Variants in PHTF2 observed in about 807,000 individuals in gnomAD.
PHTF2 encodes the protein putative homeodomain transcription factor 2, also known as protein PHTF2.
PHTF2 carries 60 observed loss-of-function variants against 101.2 expected under a neutral mutation model. That is an observed-to-expected ratio of 0.59 (90% CI 0.48 to 0.73). PHTF2 has a LOEUF of 0.73. Ranked by LOEUF, PHTF2 falls within the 30% of genes least tolerant of loss-of-function variation. The probability of loss-of-function intolerance (pLI) is 0.00; values close to 1 mark genes in which losing one functional copy is unlikely to be tolerated. For missense variants in PHTF2, 747 were observed against 908.7 expected (o/e 0.82, Z 2.29); for synonymous variants, 311 against 307.3 (o/e 1.01, Z -0.13).
chr7:77,811,182 G>A (rs1024317751), intron 1 of PHTF2, among the ~76,000 whole-genome samples: 6 of 152,066 alleles, frequency 3.9e-5, no homozygotes, highest in African/African-American at 1.2e-4. Context: ...GATTACAGGC[G>A]TGAGCCACTG....
intron 2 of PHTF2, 71 bp downstream of exon 2, chr7:77,840,371 A>T (rs34910780): frequency 0.024 from 21,811 of 923,722 alleles, 350 homozygotes; most frequent in Middle Eastern, 0.049. Flanking sequence ...ATTTCATGCT[A>T]TAGATGTTAG....
intron 2 of PHTF2, among the ~76,000 whole-genome samples, chr7:77,853,285 G>T (rs1252435443): frequency 6.6e-6 from 1 of 151,508 alleles, no homozygotes; most frequent in Non-Finnish European, 1.5e-5. Context: ...TGTCTCTTCT[G>T]ACTGTATTTT....
At chr7:77,860,505 G>C (rs752862113) in intron 3 of PHTF2, among the ~76,000 whole-genome samples, 2 of 151,894 alleles carry the variant, frequency 1.3e-5, no homozygotes, top group Non-Finnish European at 2.9e-5. Context: ...CCTAAGCCTT[G>C]GTTTCTTTAT....
intron 3 of PHTF2, among the ~76,000 whole-genome samples, chr7:77,891,876 C>G (rs1800448867): frequency 6.6e-6 from 1 of 152,108 alleles, no homozygotes; most frequent in African/African-American, 2.4e-5. Context: ...AAGAGCCACT[C>G]TGCACTCAGC....
chr7:77,806,860 T>G (rs1028129663), intron 1 of PHTF2, among the ~76,000 whole-genome samples: 1 of 152,092 alleles, frequency 6.6e-6, no homozygotes, highest in Non-Finnish European at 1.5e-5. Context: ...TACTTTTGAG[T>G]AAAAAAACTA....
At chr7:77,927,177 A>AAAAAAAAAAT (rs1554388762) in intron 11 of PHTF2, among the ~76,000 whole-genome samples, 2 of 78,152 alleles carry the variant, frequency 2.6e-5, no homozygotes, top group African/African-American at 4.8e-5. Context: ...AAAAAAAAAA[A>AAAAAAAAAAT]ATATATATAT....
intron 11 of PHTF2, chr7:77,924,153 C>A: frequency 1.0e-6 from 1 of 953,174 alleles, no homozygotes; most frequent in Non-Finnish European, 1.2e-6. Flanking sequence ...CAAAATAAAG[C>A]CTCCTTTGAA....
At chr7:77,900,041 A>G (rs1801249552) in intron 5 of PHTF2, among the ~76,000 whole-genome samples, 1 of 151,920 alleles carries the variant, frequency 6.6e-6, no homozygotes, top group Admixed American at 6.6e-5. Context: ...CAGAAACTTA[A>G]TTTTACTCAG....
rs1584741546 is a variant in PHTF2, at chr7:77,928,979, T to G, written c.1120-130T>G. On this transcript the variant is annotated intron_variant, in intron 11 of 19. Coordinates refer to ENST00000416283, the Ensembl canonical transcript of PHTF2. The stretch of plus-strand genomic sequence containing the variant: ...GCTAATATATTTTGTAATGTTTTGC[T>G]GTCTCACTATCTTTTGAGGGTGTAT... 2.8e-5 allele frequency: 17 copies of G among 613,942 alleles called. No homozygotes were observed. The East Asian group carries it at 4.7e-4, about 17-fold the overall frequency. 38.0% of individuals were successfully genotyped at this position (613,942 alleles called of 1,614,324 possible).
intron 5 of PHTF2, chr7:77,895,840 T>C (rs1259510762): frequency 6.6e-6 from 1 of 152,150 alleles, no homozygotes; most frequent in Non-Finnish European, 1.5e-5. Context: ...TACCTTGTAA[T>C]AGTAATTGAA....
intron 3 of PHTF2, among the ~76,000 whole-genome samples, chr7:77,881,363 T>C (rs931431734): frequency 9.2e-5 from 14 of 152,092 alleles, no homozygotes; most frequent in African/African-American, 2.9e-4. Context: ...TTGTTCTTGG[T>C]CTCCTTAATG....
At chr7:77,955,611 C>T (rs935797862) in exon 20 of PHTF2, 2 of 152,552 alleles carry the variant, frequency 1.3e-5, no homozygotes, top group Non-Finnish European at 2.9e-5. Context: ...AAAATTGTTA[C>T]TTTTAATGCG....
intron 1 of PHTF2, among the ~76,000 whole-genome samples, chr7:77,809,138 T>C (rs888989317): frequency 3.3e-5 from 5 of 152,108 alleles, no homozygotes; most frequent in African/African-American, 1.2e-4. Context: ...TTTAGGTTCA[T>C]TGTTCCCTTG....
chr7:77,867,990 T>C (rs1798204408), intron 3 of PHTF2, among the ~76,000 whole-genome samples: 1 of 152,198 alleles, frequency 6.6e-6, no homozygotes, highest in South Asian at 2.1e-4. Flanking sequence ...AAGTAGTTAA[T>C]ACAGATGAGA....
chr7:77,922,929 G>GCAGTTTT, intron 11 of PHTF2, 151 bp downstream of exon 10: 2 of 1,349,298 alleles, frequency 1.5e-6, no homozygotes, highest in Non-Finnish European at 1.9e-6. Context: ...TTATAAAATA[G>GCAGTTTT]CAGTTTTAGG....
At chr7:77,945,962 A>G (rs1806018705) in intron 16 of PHTF2, among the ~76,000 whole-genome samples, 1 of 152,198 alleles carries the variant, frequency 6.6e-6, no homozygotes, top group African/African-American at 2.4e-5. Context: ...ATATTCTTCA[A>G]CTCATTTTGT....
intron 1 of PHTF2, among the ~76,000 whole-genome samples, chr7:77,812,142 T>C (rs1280016617): frequency 5.9e-5 from 9 of 152,176 alleles, no homozygotes; most frequent in Non-Finnish European, 1.2e-4. Context: ...GGAAATCATG[T>C]TATATGAAGA....
At chr7:77,891,646 G>A (rs1800425152) in intron 3 of PHTF2, among the ~76,000 whole-genome samples, 4 of 152,038 alleles carry the variant, frequency 2.6e-5, no homozygotes, top group African/African-American at 9.7e-5. Flanking sequence ...GAGTGCAGTG[G>A]CATGATCATG....
chr7:77,889,736 C>G (rs1345979455), intron 3 of PHTF2, among the ~76,000 whole-genome samples: 3 of 151,676 alleles, frequency 2.0e-5, no homozygotes, highest in Non-Finnish European at 2.9e-5. Flanking sequence ...GACTACAGGT[C>G]TGCACGACTA....
Sources: allele counts gnomAD v4.1 joint callset (sites outside exome capture counted in the v4.1 genomes callset), GRCh38; gene constraint gnomAD v4.1.1; transcripts MANE v1.5; gene names NCBI Gene and HGNC (gene_info 2026-07-23, HGNC 2026-07-21).